The following PLXNA1 variants were observed in gnomAD, a reference collection of about 807,000 sequenced individuals.
The protein encoded by PLXNA1 is plexin A1, also known as plexin-A1.
Under a neutral mutation model 191.7 loss-of-function variants are expected in PLXNA1, and 77 were observed. That is an observed-to-expected ratio of 0.40 (90% CI 0.33 to 0.49). The LOEUF (loss-of-function observed/expected upper bound fraction) is 0.49. PLXNA1 is among the 20% of genes least tolerant of loss of function. The pLI, the probability that PLXNA1 is intolerant of heterozygous loss-of-function variation, is 0.63. For synonymous variants in PLXNA1, 1,137 were observed against 1,156.4 expected (o/e 0.98, Z 0.34); for missense variants, 2,110 against 2,660.2 (o/e 0.79, Z 4.55).
At chr3:126,991,912 C>T (rs998237967) in intron 3 of PLXNA1, among the ~76,000 whole-genome samples, 61 of 152,182 alleles carry the variant, frequency 4.0e-4, no homozygotes, top group Non-Finnish European at 7.5e-4. Flanking sequence ...GGCAGGCCTG[C>T]GCGGCCCCCT....
chr3:127,030,493 C>T (rs757866241), intron 29 of PLXNA1, 81 bp downstream of exon 29: 35 of 1,530,656 alleles, frequency 2.3e-5, no homozygotes, highest in African/African-American at 4.1e-5. Context: ...TGTTCTGATC[C>T]GGAGCCCCCA....
chr3:127,028,830 G>A, intron 25 of PLXNA1, 163 bp from the exon 26 acceptor site: 1 of 610,730 alleles, frequency 1.6e-6, no homozygotes, highest in Admixed American at 2.9e-5. Context: ...GCACATTGCA[G>A]GGGACTATGG....
intron 9 of PLXNA1, among the ~76,000 whole-genome samples, chr3:127,009,324 G>T (rs944498794): frequency 1.1e-4 from 17 of 152,054 alleles, no homozygotes; most frequent in African/African-American, 3.6e-4. Flanking sequence ...TTGGGGAGTG[G>T]AGGAAGTGGC....
rs1322087747 is a variant in PLXNA1 at position 127,004,924 on chromosome 3, C to T, written c.1659C>T (p.Pro553=). Residue 553 remains proline, a synonymous_variant, in exon 6 of 32, where the codon CCC becomes CCT. Transcript: ENST00000393409. ...RRDACERADE[P]QRFAADLLQC... ...ACGCCTGTGAGCGAGCAGACGAGCC[C>T]CAGCGCTTTGCTGCGGACCTGCTGC... The T allele has an allele frequency of 1.2e-6, 2 of 1,608,340 alleles. No homozygotes were observed. The highest frequency in any genetic ancestry group is 3.3e-5 in the Admixed American group (2 of 59,868).
At chr3:127,009,997 C>T (rs778838362) in intron 9 of PLXNA1, among the ~76,000 whole-genome samples, 7 of 152,220 alleles carry the variant, frequency 4.6e-5, no homozygotes, top group East Asian at 1.9e-4. Context: ...TTGCATGCCC[C>T]GCCAGTCAGC....
chr3:127,016,408 C>A, intron 15 of PLXNA1, 109 bp from the exon 16 acceptor site: 1 of 931,858 alleles, frequency 1.1e-6, no homozygotes, highest in Non-Finnish European at 1.7e-6. Context: ...CCACCCAAGG[C>A]AGTACCTGTG....
chr3:127,035,771 T>C lies in PLXNA1; in HGVS notation c.*1754T>C, dbSNP rs1402841388. On this transcript the variant is annotated 3_prime_UTR_variant, in exon 32 of 32. Coordinates refer to ENST00000393409, the MANE Select transcript of PLXNA1 (RefSeq NM_032242.4). ...GGCCCAAGGAGAGGACTCGGCCCCA[T>C]GGGGTGTGCCAGTCTTGCAGTCCGC... 6.6e-6 allele frequency: 1 copy of C among 152,292 alleles called. No homozygotes were observed. The highest frequency in any genetic ancestry group is 1.5e-5 in the Non-Finnish European group (1 of 68,016). The allele number at this position is 152,292 out of a possible 1,614,324, so 9.4% of individuals were successfully genotyped here. A position where few individuals can be genotyped will look rare whatever the true frequency, so the allele number is the denominator to read the frequency against.
chr3:126,985,519 C>T (rs2078954130), intron 1 of PLXNA1, among the ~76,000 whole-genome samples: 1 of 151,984 alleles, frequency 6.6e-6, no homozygotes, highest in Non-Finnish European at 1.5e-5. Context: ...CACGAATGCC[C>T]ACCCTCCTGC....
At chr3:127,027,708 T>G in intron 23 of PLXNA1, 4 of 683,306 alleles carry the variant, frequency 5.9e-6, no homozygotes, top group Non-Finnish European at 7.9e-6. Context: ...TCATGTGTAA[T>G]TTAGGGTTTT....
rs1323233177 is a variant in PLXNA1 at position 127,022,183 on chromosome 3, C to G, written c.4137C>G (p.Arg1379=). 5 of 1,613,434 alleles carry G rather than the reference C, an allele frequency of 3.1e-6. No homozygotes were observed. Among genetic ancestry groups the G allele is most frequent in the Non-Finnish European group, 4.2e-6 (5 of 1,180,004 alleles). Reference sequence around the variant, plus strand: ...TCATCCGCACGCTGGAGGCACAGCGCAGCTTCTCCATGCGCGACCGCGGGA... The same window carrying G: ...TCATCCGCACGCTGGAGGCACAGCGGAGCTTCTCCATGCGCGACCGCGGGA... ...LTFIRTLEAQ[R]SFSMRDRGNV... Residue 1379 remains arginine, a synonymous_variant, in exon 22 of 32, where the codon CGC becomes CGG. Coordinates refer to ENST00000393409, the MANE Select transcript of PLXNA1 (RefSeq NM_032242.4).
rs2078978964 is a variant in PLXNA1, at chr3:126,989,525, T to G, written c.932T>G (p.Leu311Arg). ...GCEQAGVEYR[L>R]VQDAYLSRPG... is the part of the protein sequence containing the mutation. The stretch of plus-strand genomic sequence containing the variant: ...GAGCAGGCGGGTGTGGAGTACCGCC[T>G]GGTGCAGGATGCCTACCTGAGCCGG... The change falls in exon 2 of 32, where the codon CTG becomes CGG. Residue 311 changes from leucine to arginine, a missense_variant. Leu to Arg is a moderately radical substitution (Grantham distance 102). Around this residue, in one of 4 missense-constraint regions of PLXNA1, gnomAD observed 903 missense variants for 1,015.7 expected, o/e 0.89. Coordinates refer to ENST00000393409, the MANE Select transcript of PLXNA1 (RefSeq NM_032242.4). 6.2e-7 allele frequency: 1 copy of G among 1,613,238 alleles called. No homozygotes were observed. Among genetic ancestry groups the G allele is most frequent in the Non-Finnish European group, 8.5e-7 (1 of 1,180,044 alleles).
rs1430764234 is a variant in PLXNA1, at chr3:127,014,220, G to A, written c.2449G>A (p.Gly817Ser). ...GTGCCCGGCCCTGCGCGAGAGCTGC[G>A]GCCTCTGCCTCAAGGCCGACCCGCG... is the stretch of plus-strand genomic sequence containing the variant. ...YKCPALRESC[G>S]LCLKADPRFE... The change falls in exon 12 of 32, where the codon GGC (glycine) becomes AGC (serine). Residue 817 changes from glycine to serine, a missense_variant. Physicochemically the swap from Gly to Ser is moderately conservative, Grantham distance 56. This residue lies in a region of PLXNA1 where 644 missense variants were observed against 714.3 expected (regional missense o/e 0.90). Transcript: ENST00000393409. 7.5e-6 allele frequency: 12 copies of A among 1,607,764 alleles called. No homozygotes were observed. The highest frequency in any genetic ancestry group is 9.3e-6 in the Non-Finnish European group (11 of 1,176,896).
At chr3:127,020,540 G>A (rs2079147295) in intron 21 of PLXNA1, among the ~76,000 whole-genome samples, 196 bp downstream of exon 21, 2 of 152,224 alleles carry the variant, frequency 1.3e-5, no homozygotes, top group South Asian at 4.1e-4. Flanking sequence ...GGCAAGCACA[G>A]TGGAGCCCTG....
rs143232336 is a variant in PLXNA1, at chr3:126,997,635, C to T, written c.1378-5695C>T. ...GGTGAGCGTGTGCCCGCCCCCTTTC[C>T]GCCTCTCCTGGATGTAGTTGGCCAC... On this transcript the variant is annotated intron_variant, in intron 3 of 31. Coordinates refer to ENST00000393409, the MANE Select transcript of PLXNA1 (RefSeq NM_032242.4). 7.4e-4 allele frequency among the ~76,000 whole-genome samples: 112 copies of T among 152,342 alleles called. 1 individual carries two copies. Among genetic ancestry groups the T allele is most frequent in the African/African-American group, 2.3e-3 (96 of 41,588 alleles).
At chr3:127,016,811 C>T in intron 16 of PLXNA1, 127 bp downstream of exon 16, 1 of 1,385,348 alleles carries the variant, frequency 7.2e-7, no homozygotes, top group African/African-American at 1.4e-5. Flanking sequence ...GGGAAGCACC[C>T]CTTGCCAAGA....
At chr3:126,991,599 G>A in intron 3 of PLXNA1, 33 bp downstream of exon 3, 1 of 1,528,416 alleles carries the variant, frequency 6.5e-7, no homozygotes. Flanking sequence ...TGAGGAGGGG[G>A]CTTGGGGCAG....
chr3:126,988,958 A>G lies in PLXNA1; in HGVS notation c.365A>G (p.Tyr122Cys). 21 of 1,613,234 alleles carry G rather than the reference A, an allele frequency of 1.3e-5. No homozygotes were observed. Among genetic ancestry groups the G allele is most frequent in the Non-Finnish European group, 1.8e-5 (21 of 1,180,018 alleles). Residue 122 changes from tyrosine (Y) to cysteine (C), a missense_variant, in exon 2 of 32, where the codon TAT becomes TGT. Physicochemically the swap from Tyr to Cys is radical, Grantham distance 194. Coordinates refer to ENST00000393409, the MANE Select transcript of PLXNA1 (RefSeq NM_032242.4). ...GTCAACAAGCTGCTGCTGCTGGACT[A>G]TGCCGCTAACCGCCTGCTGGCCTGT... ...DNVNKLLLLD[Y>C]AANRLLACGS...
chr3:127,027,379 T>C, intron 23 of PLXNA1: 1 of 340,832 alleles, frequency 2.9e-6, no homozygotes, highest in South Asian at 2.3e-5. Flanking sequence ...CTCAGGTGGG[T>C]ATGTCAGTAT....
At chr3:127,032,660 G>A (rs1185656471) in intron 30 of PLXNA1, 26 bp from the exon 31 acceptor site, 2 of 1,611,710 alleles carry the variant, frequency 1.2e-6, no homozygotes, top group Non-Finnish European at 1.7e-6. Flanking sequence ...CTCTGCTCAT[G>A]TGCCCACCTG....
Sources: gnomAD v4.1 joint callset for allele counts (sites outside exome capture counted in the v4.1 genomes callset) on GRCh38, gnomAD v4.1.1 for gene constraint, gnomAD v4.1.1 regional missense constraint, MANE v1.5 for transcripts, NCBI Gene and HGNC (gene_info 2026-07-23, HGNC 2026-07-21) for gene names.